MARCHF8: variants seen among roughly 807,000 people sequenced by gnomAD.
MARCHF8 encodes the protein E3 ubiquitin-protein ligase MARCHF8.
MARCHF8 carries 40 observed loss-of-function variants against 51.6 expected under a neutral mutation model. The ratio of observed to expected loss-of-function variants is 0.77; its 90% CI spans 0.60 to 1.01. MARCHF8 has a LOEUF of 1.01. Among genes scored for constraint, MARCHF8 ranks in the 50% least tolerant of loss-of-function variants. MARCHF8 has a pLI of 0.00. For synonymous variants in MARCHF8, 263 were observed against 280.3 expected (o/e 0.94, Z 0.62); for missense variants, 685 against 708.6 (o/e 0.97, Z 0.38).
chr10:45,567,516 C>T (rs1043622279), intron 1 of MARCHF8, among the ~76,000 whole-genome samples: 7 of 152,088 alleles, frequency 4.6e-5, no homozygotes, highest in African/African-American at 1.4e-4. Context: ...TTTCTCAGCA[C>T]GATTTATTGA....
At chr10:45,540,693 A>C (rs2044040346) in intron 1 of MARCHF8, among the ~76,000 whole-genome samples, 1 of 152,210 alleles carries the variant, frequency 6.6e-6, no homozygotes, top group African/African-American at 2.4e-5. Context: ...AATATCCAGA[A>C]TCTACAATGA....
intron 1 of MARCHF8, among the ~76,000 whole-genome samples, chr10:45,576,069 C>T (rs1037029345): frequency 6.6e-6 from 1 of 152,112 alleles, no homozygotes; most frequent in Non-Finnish European, 1.5e-5. Flanking sequence ...GTGGTCTCTT[C>T]ACAGGGACAT....
intron 1 of MARCHF8, among the ~76,000 whole-genome samples, chr10:45,540,501 G>A (rs1430824341): frequency 6.9e-6 from 1 of 145,296 alleles, no homozygotes; most frequent in Non-Finnish European, 1.6e-5. Context: ...TCAGGACATA[G>A]GCATGGGCAA....
chr10:45,477,914 T>C (rs1217690598), intron 3 of MARCHF8, among the ~76,000 whole-genome samples: 1 of 152,208 alleles, frequency 6.6e-6, no homozygotes, highest in Non-Finnish European at 1.5e-5. Flanking sequence ...CTCAGATGTA[T>C]AAAGCAAATA....
At chr10:45,585,583 A>T (rs2044609728) in intron 1 of MARCHF8, among the ~76,000 whole-genome samples, 1 of 152,198 alleles carries the variant, frequency 6.6e-6, no homozygotes, top group Non-Finnish European at 1.5e-5. Flanking sequence ...GAAATAATAA[A>T]AACAAAATTC....
At chr10:45,512,154 G>A (rs928347661) in intron 2 of MARCHF8, among the ~76,000 whole-genome samples, 2 of 151,736 alleles carry the variant, frequency 1.3e-5, no homozygotes, top group Admixed American at 1.3e-4. Context: ...GAGGTGAGGA[G>A]CGTCTCTGCC....
chr10:45,519,047 C>CA (rs965221523), intron 2 of MARCHF8, among the ~76,000 whole-genome samples: 13 of 152,094 alleles, frequency 8.5e-5, no homozygotes, highest in Non-Finnish European at 1.3e-4. Flanking sequence ...TCTACACACA[C>CA]AAAAAAACTT....
rs370948186 is a variant in MARCHF8, at chr10:45,558,210, T to C, written c.-78-24921A>G. On this transcript the variant is annotated intron_variant, in intron 1 of 6. Coordinates refer to the MARCHF8 transcript ENST00000319836. ...AGATTTTGTACATGACTGAGGATAA[T>C]AGCAGAGTCAAGGCAGACAAGGACC... 1.1e-4 allele frequency among the ~76,000 whole-genome samples: 17 copies of C among 152,260 alleles called. 1 individual carries two copies. The East Asian group carries it at 1.5e-3, about 14-fold the overall frequency.
intron 1 of MARCHF8, among the ~76,000 whole-genome samples, chr10:45,580,912 A>C (rs898951106): frequency 1.5e-4 from 23 of 152,112 alleles, no homozygotes; most frequent in African/African-American, 4.8e-4. Flanking sequence ...GCCCCTACCC[A>C]GGGCCACACC....
chr10:45,504,094 T>C (rs2043334022), intron 2 of MARCHF8, among the ~76,000 whole-genome samples: 1 of 152,124 alleles, frequency 6.6e-6, no homozygotes, highest in Non-Finnish European at 1.5e-5. Context: ...AATCTACTAA[T>C]TGGGCACTTT....
chr10:45,475,291 T>A (rs990827298), intron 3 of MARCHF8, among the ~76,000 whole-genome samples: 36 of 152,022 alleles, frequency 2.4e-4, no homozygotes, highest in African/African-American at 7.0e-4. Context: ...GCAACCCCAC[T>A]CTCCCCAGTA....
intron 1 of MARCHF8, 80 bp from the exon 2 acceptor site, chr10:45,533,369 C>A (rs2043921235): frequency 2.4e-6 from 2 of 850,260 alleles, no homozygotes; most frequent in Non-Finnish European, 1.6e-6. Flanking sequence ...ACATTTTATA[C>A]TTATATTCAT....
At chr10:45,591,973 A>G (rs1320745615) in intron 1 of MARCHF8, among the ~76,000 whole-genome samples, 1 of 152,116 alleles carries the variant, frequency 6.6e-6, no homozygotes, top group Non-Finnish European at 1.5e-5. Context: ...CTCAATTTCC[A>G]TAGCATTTGT....
intron 1 of MARCHF8, among the ~76,000 whole-genome samples, chr10:45,541,408 C>T (rs552447439): frequency 2.6e-5 from 4 of 151,988 alleles, no homozygotes; most frequent in East Asian, 1.9e-4. Context: ...CATCACACAC[C>T]GGGGCCTGTT....
rs540543432 is a variant in MARCHF8 at position 45,572,963 on chromosome 10, C to A, written c.-79+21272G>T. On this transcript the variant is annotated intron_variant, in intron 1 of 6. Coordinates refer to the MARCHF8 transcript ENST00000319836. ...TCACACCTGGTCCAGCTTACAGTTT[C>A]GTTCTGCGACTGGCCCTCCCCCACC... 4.4e-3 allele frequency among the ~76,000 whole-genome samples: 668 copies of A among 152,180 alleles called. 4 individuals are homozygous for A. The highest frequency in any genetic ancestry group is 0.015 in the African/African-American group (637 of 41,510).
chr10:45,590,703 T>TATAC (rs1255913865), intron 1 of MARCHF8, among the ~76,000 whole-genome samples: 1 of 152,196 alleles, frequency 6.6e-6, no homozygotes, highest in African/African-American at 2.4e-5. Context: ...TTTGGGGGGA[T>TATAC]ATACATATAC....
chr10:45,583,254 G>T (rs953818384), intron 1 of MARCHF8, among the ~76,000 whole-genome samples: 8 of 152,140 alleles, frequency 5.3e-5, no homozygotes, highest in African/African-American at 1.9e-4. Flanking sequence ...GTGAATAGGG[G>T]AAAGAACACC....
chr10:45,549,028 C>T (rs2044163616), intron 1 of MARCHF8, among the ~76,000 whole-genome samples: 1 of 151,706 alleles, frequency 6.6e-6, no homozygotes, highest in African/African-American at 2.4e-5. Flanking sequence ...AAGAAATAGT[C>T]TACCTTCTTG....
intron 1 of MARCHF8, among the ~76,000 whole-genome samples, chr10:45,569,013 C>T (rs375508029): frequency 3.8e-5 from 5 of 133,130 alleles, no homozygotes; most frequent in Non-Finnish European, 7.7e-5. Context: ...TGCAGTGAGC[C>T]GAGATGGCGC....
Sources: allele counts gnomAD v4.1 joint callset (sites outside exome capture counted in the v4.1 genomes callset), GRCh38; gene constraint gnomAD v4.1.1; transcripts MANE v1.5; gene names NCBI Gene and HGNC (gene_info 2026-07-23, HGNC 2026-07-21).